The following RBFOX2 variants were observed in gnomAD, a reference collection of about 807,000 sequenced individuals.
RBFOX2 encodes RNA binding fox-1 homolog 2.
In RBFOX2, 10 loss-of-function variants were observed where a neutral mutation model predicts 49.1. The observed-to-expected ratio is 0.20, with a 90% CI of 0.13 to 0.35. The LOEUF (loss-of-function observed/expected upper bound fraction) is 0.35. RBFOX2 is among the 10% of genes least tolerant of loss of function. The pLI, the probability that RBFOX2 is intolerant of heterozygous loss-of-function variation, is 1.00. For missense variants in RBFOX2, 323 were observed against 486.9 expected, an observed-to-expected ratio of 0.66 and a Z score of 3.17; for synonymous variants, 183 against 187.4, an observed-to-expected ratio of 0.98 and a Z score of 0.19.
At chr22:35,825,176 C>T (rs917509742) in intron 1 of RBFOX2, among the ~76,000 whole-genome samples, 10 of 152,150 alleles carry the variant, frequency 6.6e-5, no homozygotes, top group Non-Finnish European at 8.8e-5. Context: ...GCCATGATGG[C>T]GCCACTGTAC....
chr22:35,852,232 T>A (rs1286951126), intron 1 of RBFOX2, among the ~76,000 whole-genome samples: 2 of 152,186 alleles, frequency 1.3e-5, no homozygotes, highest in African/African-American at 4.8e-5. Flanking sequence ...TACACCATTT[T>A]ATATAAGAAA....
At chr22:35,757,631 T>C (rs1369524478) in intron 9 of RBFOX2, among the ~76,000 whole-genome samples, 1 of 152,200 alleles carries the variant, frequency 6.6e-6, no homozygotes, top group Admixed American at 6.5e-5. Flanking sequence ...CAGGATAGCA[T>C]GGTCACATTT....
chr22:35,995,250 CATTT>C (rs1228190083), intron 1 of RBFOX2: 1 of 152,198 alleles, frequency 6.6e-6, no homozygotes, highest in African/African-American at 2.4e-5. Flanking sequence ...AGGCTACATC[CATTT>C]GAAATGGAAA....
chr22:35,868,819 C>G (rs1205684498), intron 1 of RBFOX2, among the ~76,000 whole-genome samples: 1 of 152,164 alleles, frequency 6.6e-6, no homozygotes, highest in African/African-American at 2.4e-5. Flanking sequence ...GATTAAGAAA[C>G]AACAGGCCAG....
intron 1 of RBFOX2, among the ~76,000 whole-genome samples, chr22:36,007,655 C>T (rs1280134033): frequency 1.3e-5 from 2 of 152,100 alleles, no homozygotes; most frequent in East Asian, 1.9e-4. Flanking sequence ...TACCTATACC[C>T]TTATTCCTCT....
rs143056616 is a variant in RBFOX2 at position 35,891,277 on chromosome 22, G to A, written c.-34+47570C>T. Reference sequence around the variant, plus strand: ...GCCTCCTGAGTAGCTGAGACTACAGGTGCGTGCCACCATGCCCAGCTAATT... The same window carrying A: ...GCCTCCTGAGTAGCTGAGACTACAGATGCGTGCCACCATGCCCAGCTAATT... On this transcript the variant is annotated intron_variant, in intron 1 of 13. Transcript: ENST00000359369. Among the ~76,000 whole-genome samples, 497 of 152,200 alleles carry A rather than the reference G, an allele frequency of 3.3e-3. 3 individuals are homozygous for A. The highest frequency in any genetic ancestry group is 0.01 in the Middle Eastern group (3 of 294).
chr22:35,980,777 G>C (rs1414151544), intron 1 of RBFOX2, among the ~76,000 whole-genome samples: 3 of 152,156 alleles, frequency 2.0e-5, no homozygotes, highest in Non-Finnish European at 4.4e-5. Context: ...AGAACTTACA[G>C]TTTAGCAGGT....
At chr22:35,893,717 A>G (rs1254830328) in intron 1 of RBFOX2, among the ~76,000 whole-genome samples, 1 of 152,234 alleles carries the variant, frequency 6.6e-6, no homozygotes. Flanking sequence ...CCCTCCGAAC[A>G]TACACACATA....
chr22:35,809,947 G>T, exon 2 of RBFOX2: 1 of 1,614,046 alleles, frequency 6.2e-7, no homozygotes, highest in African/African-American at 1.3e-5. Context: ...GGTGGAAATG[G>T]GATGGTAGTA....
intron 1 of RBFOX2, among the ~76,000 whole-genome samples, chr22:35,890,721 T>C (rs1296812673): frequency 6.6e-6 from 1 of 152,126 alleles, no homozygotes; most frequent in Non-Finnish European, 1.5e-5. Context: ...TGCTTTCTCA[T>C]CTGTAAAATG....
chr22:36,027,511 A>G (rs574605230), intron 1 of RBFOX2, among the ~76,000 whole-genome samples: 4 of 152,270 alleles, frequency 2.6e-5, no homozygotes, highest in African/African-American at 9.6e-5. Flanking sequence ...TAATAGCCCT[A>G]TAAAAAAATT....
At chr22:35,899,122 AATAACATAACATAACATAACATAAC>A (rs59505989) in intron 1 of RBFOX2, among the ~76,000 whole-genome samples, 3 of 139,210 alleles carry the variant, frequency 2.2e-5, no homozygotes, top group Non-Finnish European at 3.1e-5. Flanking sequence ...CTGTCTCAAA[AATAACATAACATAACATAACATAAC>A]ATAACATAAC....
At chr22:35,887,143 T>C (rs759082640) in intron 1 of RBFOX2, among the ~76,000 whole-genome samples, 137 of 152,210 alleles carry the variant, frequency 9.0e-4, no homozygotes, top group Admixed American at 1.0e-3. Context: ...CAGAAAGAGA[T>C]AGTTGTTTAA....
chr22:35,953,893 A>G (rs2055249340), intron 1 of RBFOX2, among the ~76,000 whole-genome samples: 1 of 152,222 alleles, frequency 6.6e-6, no homozygotes. Flanking sequence ...AGTAGAGCAT[A>G]TACACATTTT....
intron 2 of RBFOX2, among the ~76,000 whole-genome samples, chr22:35,786,218 T>C (rs576019781): frequency 6.6e-6 from 1 of 152,344 alleles, no homozygotes; most frequent in African/African-American, 2.4e-5. Context: ...TAGCTCTTCA[T>C]AGTTCTTTGC....
chr22:35,858,572 TC>T (rs1437440225), intron 1 of RBFOX2, among the ~76,000 whole-genome samples: 1 of 152,146 alleles, frequency 6.6e-6, no homozygotes, highest in Non-Finnish European at 1.5e-5. Flanking sequence ...AGGCCTGTAA[TC>T]CCAGCACTTT....
rs1284932502 is a variant in RBFOX2, at chr22:35,985,902, G to GGATGGATAGATA, written c.186+42337_186+42338insTATCTATCCATC. 6.9e-4 allele frequency among the ~76,000 whole-genome samples: 100 copies of GGATGGATAGATA among 144,074 alleles called. 1 individual carries two copies. Among genetic ancestry groups the GGATGGATAGATA allele is most frequent in the East Asian group, 6.9e-3 (33 of 4,804 alleles). 94.5% of individuals were successfully genotyped at this position (144,074 alleles called of 152,430 possible). On this transcript the variant is annotated intron_variant, in intron 1 of 13. Transcript: ENST00000438146. ...TCTCTAGATAGATAGATAGATAGAT[G>GGATGGATAGATA]GATAGATAGATAGATAGATAGATAG...
chr22:35,852,805 A>T (rs1036245661), intron 1 of RBFOX2, among the ~76,000 whole-genome samples: 1 of 152,210 alleles, frequency 6.6e-6, no homozygotes, highest in African/African-American at 2.4e-5. Flanking sequence ...TTGGTGACTT[A>T]ATTATAGAGG....
At chr22:35,935,993 G>C (rs1441629866) in intron 1 of RBFOX2, among the ~76,000 whole-genome samples, 1 of 152,094 alleles carries the variant, frequency 6.6e-6, no homozygotes, top group Non-Finnish European at 1.5e-5. Context: ...TTCAGCCACT[G>C]ATAAGAATCT....
Sources: gnomAD v4.1 joint callset for allele counts (sites outside exome capture counted in the v4.1 genomes callset) on GRCh38, gnomAD v4.1.1 for gene constraint, MANE v1.5 for transcripts, NCBI Gene and HGNC (gene_info 2026-07-23, HGNC 2026-07-21) for gene names.